PLCB1: variants seen among roughly 807,000 people sequenced by gnomAD.
The protein encoded by PLCB1 is phospholipase C beta 1.
Under a neutral mutation model 161.8 loss-of-function variants are expected in PLCB1, and 46 were observed. That is an observed-to-expected ratio of 0.28 (90% CI 0.22 to 0.36). The LOEUF (loss-of-function observed/expected upper bound fraction) is 0.36. PLCB1 is among the 10% of genes least tolerant of loss of function. The pLI is 1.00. For missense variants in PLCB1, 1,016 were observed against 1,472.5 expected (o/e 0.69, Z 5.07); for synonymous variants, 517 against 503.7 (o/e 1.03, Z -0.35).
At chr20:8,794,517 G>C (rs1040491) in intron 31 of PLCB1, among the ~76,000 whole-genome samples, 98,670 of 152,042 alleles carry the variant, frequency 0.65, 32,229 homozygotes, top group East Asian at 0.85. Flanking sequence ...AGTTTTTGCA[G>C]ACACCAAAAG....
At position 8,179,882 on chromosome 20, in the gene PLCB1, G is replaced by A. The variant is rs1318258399; in HGVS notation, c.177+29511G>A. Among the ~76,000 whole-genome samples the A allele has an allele frequency of 4.7e-5, 4 of 84,484 alleles. 1 individual carries two copies. The highest frequency in any genetic ancestry group is 2.3e-4 in the African/African-American group (4 of 17,228). 55.4% of individuals were successfully genotyped at this position (84,484 alleles called of 152,430 possible). A position where few individuals can be genotyped will look rare whatever the true frequency, so the allele number is the denominator to read the frequency against. Reference sequence around the variant, plus strand: ...TTTTTTTTTTTTTTTTTTTTGAGACGGAGTCCCTCTCTGTCGCCCAGGCTG... The same window carrying A: ...TTTTTTTTTTTTTTTTTTTTGAGACAGAGTCCCTCTCTGTCGCCCAGGCTG... On this transcript the variant is annotated intron_variant, in intron 2 of 31. Transcript: ENST00000338037.
Position 8,167,413 on chromosome 20 carries a change from C to T in PLCB1, c.177+17042C>T, listed in dbSNP as rs181889706. On this transcript the variant is annotated intron_variant, in intron 2 of 31. Transcript: ENST00000338037. ...CCTGAAAGTTTATCATATGCCATCC[C>T]TTTGTTTTTCTTCATTAGAATTGAG... 4.6e-5 allele frequency among the ~76,000 whole-genome samples: 7 copies of T among 152,234 alleles called. No homozygotes were observed. The East Asian group carries it at 1.3e-3, about 29-fold the overall frequency.
intron 3 of PLCB1, among the ~76,000 whole-genome samples, chr20:8,507,522 G>T (rs990100338): frequency 6.6e-6 from 1 of 152,076 alleles, no homozygotes; most frequent in African/African-American, 2.4e-5. Flanking sequence ...CTTTTAGGAC[G>T]GTGAACATTT....
chr20:8,368,563 A>G (rs1418242130), intron 2 of PLCB1, among the ~76,000 whole-genome samples: 1 of 151,580 alleles, frequency 6.6e-6, no homozygotes, highest in Non-Finnish European at 1.5e-5. Context: ...AAAAGAAAAA[A>G]TAAAAGAAAA....
At chr20:8,788,090 G>T (rs926563142) in intron 27 of PLCB1, among the ~76,000 whole-genome samples, 1 of 152,234 alleles carries the variant, frequency 6.6e-6, no homozygotes. Flanking sequence ...TTCTGAAAAT[G>T]TAGGGTCTTG....
intron 3 of PLCB1, among the ~76,000 whole-genome samples, chr20:8,525,339 G>A (rs1459237442): frequency 1.3e-5 from 2 of 151,910 alleles, no homozygotes; most frequent in East Asian, 3.9e-4. Context: ...TTTATAATCA[G>A]TATTAAGGAT....
chr20:8,289,742 C>T (rs1170906911), intron 2 of PLCB1, among the ~76,000 whole-genome samples: 1 of 152,116 alleles, frequency 6.6e-6, no homozygotes, highest in Non-Finnish European at 1.5e-5. Context: ...ATACACTGCC[C>T]CAGGACACTC....
intron 2 of PLCB1, among the ~76,000 whole-genome samples, chr20:8,197,032 T>C (rs969983144): frequency 1.3e-5 from 2 of 152,186 alleles, no homozygotes; most frequent in Non-Finnish European, 2.9e-5. Flanking sequence ...TATTCTATGG[T>C]GTATATGTGC....
chr20:8,398,108 A>AT (rs1457327690), intron 3 of PLCB1, among the ~76,000 whole-genome samples: 1 of 151,930 alleles, frequency 6.6e-6, no homozygotes, highest in African/African-American at 2.4e-5. Context: ...TAAGCTTGTT[A>AT]TTTTTGCCAC....
chr20:8,171,652 T>C (rs1471032870), intron 2 of PLCB1, among the ~76,000 whole-genome samples: 1 of 152,156 alleles, frequency 6.6e-6, no homozygotes, highest in Non-Finnish European at 1.5e-5. Flanking sequence ...ATTAATATAA[T>C]GTGTTTGGAT....
At chr20:8,706,242 C>G (rs1978664404) in intron 11 of PLCB1, among the ~76,000 whole-genome samples, 1 of 152,206 alleles carries the variant, frequency 6.6e-6, no homozygotes, top group Non-Finnish European at 1.5e-5. Context: ...CTCTACTCAG[C>G]AGCAGCACAT....
chr20:8,845,041 G>A (rs1336057361), intron 31 of PLCB1, among the ~76,000 whole-genome samples: 1 of 152,062 alleles, frequency 6.6e-6, no homozygotes, highest in Non-Finnish European at 1.5e-5. Context: ...GTGAACCCGG[G>A]ATGGGGAGCT....
At chr20:8,358,160 G>T (rs1022158250) in intron 2 of PLCB1, among the ~76,000 whole-genome samples, 4 of 134,518 alleles carry the variant, frequency 3.0e-5, no homozygotes, top group Admixed American at 7.0e-5. Context: ...CAAGCCTTTG[G>T]GTTGAACCTA....
chr20:8,331,494 T>C (rs1985362655), intron 2 of PLCB1, among the ~76,000 whole-genome samples: 1 of 152,206 alleles, frequency 6.6e-6, no homozygotes, highest in Non-Finnish European at 1.5e-5. Flanking sequence ...TGCAAGGTTT[T>C]GTGGTTAGGG....
chr20:8,320,881 G>A (rs1183743501), intron 2 of PLCB1, among the ~76,000 whole-genome samples: 1 of 149,570 alleles, frequency 6.7e-6, no homozygotes, highest in Non-Finnish European at 1.5e-5. Flanking sequence ...AAAGAAAAAG[G>A]AAAGAAAGAA....
chr20:8,853,913 CG>C (rs1305445766), intron 31 of PLCB1, among the ~76,000 whole-genome samples: 1 of 152,164 alleles, frequency 6.6e-6, no homozygotes, highest in African/African-American at 2.4e-5. Context: ...ACCATTTACT[CG>C]TAATGGGCAT....
At chr20:8,647,335 A>G (rs1274347473) in intron 5 of PLCB1, among the ~76,000 whole-genome samples, 1 of 152,212 alleles carries the variant, frequency 6.6e-6, no homozygotes, top group East Asian at 1.9e-4. Context: ...ATCAATCTCT[A>G]CTACAAATGT....
chr20:8,634,319 T>G (rs1237914101), intron 4 of PLCB1, among the ~76,000 whole-genome samples: 1 of 152,260 alleles, frequency 6.6e-6, no homozygotes, highest in African/African-American at 2.4e-5. Flanking sequence ...AACATTAGTC[T>G]TTAATGTTTG....
chr20:8,806,408 C>T (rs183260684), intron 31 of PLCB1, among the ~76,000 whole-genome samples: 1 of 152,242 alleles, frequency 6.6e-6, no homozygotes, highest in East Asian at 1.9e-4. Context: ...CTCTCTAAAG[C>T]AGCAGGATTG....
Sources: allele counts gnomAD v4.1 joint callset (sites outside exome capture counted in the v4.1 genomes callset), GRCh38; gene constraint gnomAD v4.1.1; transcripts MANE v1.5; gene names NCBI Gene and HGNC (gene_info 2026-07-23, HGNC 2026-07-21).